The following UNC13A variants were observed in gnomAD, a reference collection of about 807,000 sequenced individuals.
UNC13A encodes the protein protein unc-13 homolog A.
UNC13A carries 61 observed loss-of-function variants against 219.7 expected under a neutral mutation model. The observed-to-expected ratio is 0.28, with a 90% confidence interval of 0.23 to 0.34. The LOEUF (loss-of-function observed/expected upper bound fraction) is 0.34, where lower values mean the gene tolerates loss of function less well. UNC13A is among the 10% of genes least tolerant of loss of function. UNC13A has a pLI of 1.00. For synonymous variants in UNC13A, 920 were observed against 884.6 expected, an observed-to-expected ratio of 1.04 and a Z score of -0.71; for missense variants, 1,476 against 2,270.3, an observed-to-expected ratio of 0.65 and a Z score of 7.11.
At chr19:17,654,310 T>A (rs1296803397) in intron 11 of UNC13A, among the ~76,000 whole-genome samples, 1 of 152,222 alleles carries the variant, frequency 6.6e-6, no homozygotes, top group East Asian at 1.9e-4. Context: ...TTTTTTCAAT[T>A]TAATTTCTTG....
At position 17,627,794 on chromosome 19, in the gene UNC13A, G is replaced by C; in HGVS notation, c.3831+69C>G. 5.3e-6 allele frequency: 8 copies of C among 1,503,286 alleles called. No homozygotes were observed. Among genetic ancestry groups the C allele is most frequent in the Non-Finnish European group, 7.3e-6 (8 of 1,102,658 alleles). 93.1% of individuals were successfully genotyped at this position (1,503,286 alleles called of 1,614,324 possible). On this transcript the variant is annotated intron_variant, in intron 32 of 43. Coordinates refer to ENST00000519716, the MANE Select transcript of UNC13A (RefSeq NM_001080421.3). The surrounding 1 kb of genome is among the most constrained non-coding windows in gnomAD (Gnocchi z 4.7). ...CCAGGCCTGGTGGCATATGAGCTCA[G>C]GGGCCTGCAGGGACACAGTGGTGGG... is the stretch of plus-strand genomic sequence containing the variant.
At chr19:17,645,220 G>A (rs4549004) in intron 19 of UNC13A, among the ~76,000 whole-genome samples, 25,688 of 151,310 alleles carry the variant, frequency 0.17, 2,232 homozygotes, top group Middle Eastern at 0.22. Flanking sequence ...TGTTAGCCAG[G>A]CTGGTCTCGA....
At chr19:17,641,921 C>A (rs984763627) in intron 20 of UNC13A, among the ~76,000 whole-genome samples, 1 of 152,106 alleles carries the variant, frequency 6.6e-6, no homozygotes, top group African/African-American at 2.4e-5. Context: ...TCACAACCAT[C>A]CATCTAAATA....
chr19:17,663,078 C>T (rs935901836), intron 8 of UNC13A, among the ~76,000 whole-genome samples: 41 of 151,974 alleles, frequency 2.7e-4, no homozygotes, highest in African/African-American at 9.9e-4. Context: ...CCCTGAGGTC[C>T]CTGGCCTGCC....
At chr19:17,680,874 T>C (rs1420069041) in intron 1 of UNC13A, among the ~76,000 whole-genome samples, 1 of 133,112 alleles carries the variant, frequency 7.5e-6, no homozygotes, top group African/African-American at 2.9e-5. Flanking sequence ...TTCTTCTTTT[T>C]TTTTCTTTTC....
At position 17,620,728 on chromosome 19, in the gene UNC13A, G is replaced by A. The variant is rs1470978926; in HGVS notation, c.4243-6C>T. 1 of 1,612,924 alleles carries A rather than the reference G, an allele frequency of 6.2e-7. No homozygotes were observed. Among genetic ancestry groups the A allele is most frequent in the Admixed American group, 1.7e-5 (1 of 59,888 alleles). Reference sequence around the variant, plus strand: ...CTTGGCAATTTCACCCTGCCCTGTGGAGAGAATCAGGTGGAGGTCAGAGTT... The same window carrying A: ...CTTGGCAATTTCACCCTGCCCTGTGAAGAGAATCAGGTGGAGGTCAGAGTT... On this transcript the variant is annotated splice_polypyrimidine_tract_variant and splice_region_variant and intron_variant, in intron 37 of 43. Transcript: ENST00000519716.
rs1228142915 is a variant in UNC13A, at chr19:17,646,049, C to T, written c.2107G>A (p.Val703Ile). 1.9e-6 allele frequency: 3 copies of T among 1,613,878 alleles called. No individual in the cohort carries two copies. Among genetic ancestry groups the T allele is most frequent in the Non-Finnish European group, 2.5e-6 (3 of 1,179,846 alleles). ...KTGSSDPYVT[V>I]QVGKTKKRTK... is the part of the protein sequence containing the mutation. ...CGTTTCTTGGTCTTCCCGACCTGGA[C>T]GGTGACATAGGGGTCACTGGATCCT... Residue 703 changes from valine (V) to isoleucine (I), a missense_variant, in exon 18 of 44, where the codon GTC becomes ATC. This residue lies in a region of UNC13A where 66 missense variants were observed against 224.3 expected (regional missense o/e 0.29). Transcript: ENST00000519716.
At chr19:17,607,462 G>GGGC (rs201347612) in intron 43 of UNC13A, among the ~76,000 whole-genome samples, 2,211 of 127,668 alleles carry the variant, frequency 0.017, 154 homozygotes, top group African/African-American at 0.064. Flanking sequence ...GGGGGTGGCG[G>GGGC]GGGGGGGGGT....
Position 17,627,684 on chromosome 19 carries a change from C to T in UNC13A, c.3832-87G>A, listed in dbSNP as rs1428627727. The T allele has an allele frequency of 8.4e-6, 11 of 1,311,130 alleles. No homozygotes were observed. Among genetic ancestry groups the T allele is most frequent in the Non-Finnish European group, 1.2e-5 (11 of 932,148 alleles). The allele number at this position is 1,311,130 out of a possible 1,614,324, so 81.2% of individuals were successfully genotyped here. ...TCTCATCTGACCCAGGGAAAGGGATCCCAAGGGGCTGCAGGGGAAACTGAG... is the reference window on the plus strand; with the variant it reads ...TCTCATCTGACCCAGGGAAAGGGATTCCAAGGGGCTGCAGGGGAAACTGAG... On this transcript the variant is annotated intron_variant, in intron 32 of 43. Transcript: ENST00000519716. The surrounding 1 kb of genome is among the most constrained non-coding windows in gnomAD (Gnocchi z 4.7).
At chr19:17,638,518 G>A (rs867006020) in intron 25 of UNC13A, among the ~76,000 whole-genome samples, 41 of 151,848 alleles carry the variant, frequency 2.7e-4, no homozygotes, top group African/African-American at 9.7e-4. Context: ...AACAGTGACT[G>A]TATGCCAGAC....
intron 1 of UNC13A, among the ~76,000 whole-genome samples, chr19:17,676,935 A>AC (rs1317073395): frequency 6.6e-6 from 1 of 152,012 alleles, no homozygotes; most frequent in Non-Finnish European, 1.5e-5. Flanking sequence ...AATCACTTGA[A>AC]CCCAGGAGGC....
chr19:17,682,635 C>T (rs753412456), intron 1 of UNC13A, among the ~76,000 whole-genome samples: 6 of 152,128 alleles, frequency 3.9e-5, no homozygotes, highest in Non-Finnish European at 5.9e-5. Flanking sequence ...GCAGCTCCTC[C>T]TAGCTGGAGG....
intron 4 of UNC13A, among the ~76,000 whole-genome samples, chr19:17,670,209 G>C (rs1457364621): frequency 6.6e-6 from 1 of 151,196 alleles, no homozygotes; most frequent in Non-Finnish European, 1.5e-5. Flanking sequence ...GCCTCCCAAA[G>C]TGCTGGGATT....
chr19:17,624,753 C>T (rs2076764860), intron 35 of UNC13A, 76 bp downstream of exon 35: 2 of 1,528,606 alleles, frequency 1.3e-6, no homozygotes, highest in East Asian at 2.3e-5. Flanking sequence ...ACCCCCCAGC[C>T]TCTAGGCACC....
At chr19:17,644,780 C>G (rs1434163393) in intron 19 of UNC13A, among the ~76,000 whole-genome samples, 1 of 151,950 alleles carries the variant, frequency 6.6e-6, no homozygotes, top group Non-Finnish European at 1.5e-5. Context: ...CAGCCTTTAC[C>G]TCTCAGGCTC....
At chr19:17,657,627 C>T (rs2079480905) in intron 9 of UNC13A, among the ~76,000 whole-genome samples, 1 of 152,098 alleles carries the variant, frequency 6.6e-6, no homozygotes, top group African/African-American at 2.4e-5. Flanking sequence ...TCTTCCCTGG[C>T]CAGCCTCGAG....
At position 17,627,602 on chromosome 19, in the gene UNC13A, G is replaced by C. The variant is rs1476450620; in HGVS notation, c.3832-5C>G. On this transcript the variant is annotated splice_region_variant and splice_polypyrimidine_tract_variant and intron_variant, in intron 32 of 43. Coordinates refer to ENST00000519716, the MANE Select transcript of UNC13A (RefSeq NM_001080421.3). The surrounding 1 kb of genome is among the most constrained non-coding windows in gnomAD (Gnocchi z 4.7). ...GTCACTGGCTTCAGCATCCAGCTAA[G>C]GAGGGAGAAGGGACACCAGGCCAGG... 2 of 1,555,854 alleles carry C rather than the reference G, an allele frequency of 1.3e-6. No homozygotes were observed. The highest frequency in any genetic ancestry group is 2.7e-5 in the African/African-American group (2 of 73,206).
Position 17,636,109 on chromosome 19 carries a change from T to C in UNC13A, c.3130A>G (p.Asn1044Asp). Residue 1044 changes from asparagine (N) to aspartate (D), a missense_variant, in exon 26 of 44, where the codon AAC becomes GAC. Asn to Asp is a conservative substitution (Grantham distance 23). This residue lies in a region of UNC13A where 218 missense variants were observed against 409.4 expected (regional missense o/e 0.53). Transcript: ENST00000519716. Reference protein sequence around the residue: ...LPEEQGPSIKNLDFWSKLITL... With the variant: ...LPEEQGPSIKDLDFWSKLITL... ...ATCAGCTTGGACCAGAAGTCGAGGT[T>C]CTTGATGCTGGGCCCCTGTTCCTCT... is the stretch of plus-strand genomic sequence containing the variant. 6.2e-7 allele frequency: 1 copy of C among 1,609,078 alleles called. No individual in the cohort carries two copies.
At chr19:17,618,993 G>A (rs374454360) in intron 38 of UNC13A, 31 bp from the exon 39 acceptor site, 14 of 1,609,830 alleles carry the variant, frequency 8.7e-6, no homozygotes, top group East Asian at 6.7e-5. Context: ...CTGGGTGAGG[G>A]CAGGGGTGCT....
Sources: gnomAD v4.1 joint callset for allele counts (sites outside exome capture counted in the v4.1 genomes callset) on GRCh38, gnomAD v4.1.1 for gene constraint, gnomAD v4.1.1 regional missense constraint, Gnocchi (gnomAD v3.1) non-coding constraint, MANE v1.5 for transcripts, NCBI Gene and HGNC (gene_info 2026-07-23, HGNC 2026-07-21) for gene names.